Variants in MPPED2 observed in about 807,000 individuals in gnomAD.
MPPED2 encodes metallophosphoesterase domain containing 2.
MPPED2 carries 5 observed loss-of-function variants against 33.0 expected under a neutral mutation model. The observed-to-expected ratio is 0.15, with a 90% CI of 0.08 to 0.32. The LOEUF (loss-of-function observed/expected upper bound fraction) is 0.32, where lower values mean the gene tolerates loss of function less well. Among genes scored for constraint, MPPED2 ranks in the 10% least tolerant of loss-of-function variants. MPPED2 has a pLI of 1.00. For missense variants in MPPED2, 275 were observed against 372.1 expected (o/e 0.74, Z 2.15); for synonymous variants, 136 against 141.9 (o/e 0.96, Z 0.29).
At chr11:30,465,546 T>G (rs1253463838) in intron 4 of MPPED2, among the ~76,000 whole-genome samples, 1 of 152,212 alleles carries the variant, frequency 6.6e-6, no homozygotes, top group Admixed American at 6.5e-5. Flanking sequence ...CTCACCTGGG[T>G]GGGCCTCCCA....
At chr11:30,425,052 C>T (rs1393086353) in intron 4 of MPPED2, among the ~76,000 whole-genome samples, 3 of 152,054 alleles carry the variant, frequency 2.0e-5, no homozygotes, top group Non-Finnish European at 2.9e-5. Context: ...CTTGGTCTTT[C>T]GTTATGAGAT....
At chr11:30,492,078 C>T (rs1459054382) in intron 4 of MPPED2, among the ~76,000 whole-genome samples, 1 of 152,282 alleles carries the variant, frequency 6.6e-6, no homozygotes, top group Non-Finnish European at 1.5e-5. Flanking sequence ...ACTTTGCTAC[C>T]TTGCCAGTAT....
At chr11:30,580,554 G>C in intron 1 of MPPED2, 60 bp from the exon 2 acceptor site, 3 of 1,385,654 alleles carry the variant, frequency 2.2e-6, no homozygotes, top group Non-Finnish European at 2.8e-6. Context: ...TGTTCTAAGA[G>C]ACATAAATTT....
Position 30,436,420 on chromosome 11 carries a change from G to C in MPPED2, c.537-18787C>G, listed in dbSNP as rs75065202. ...GGTCTCAAGAGATGCAGATGCTGCA[G>C]TCTTGGGACCAGAGTTTAAGAAGCA... On this transcript the variant is annotated intron_variant, in intron 4 of 6. Coordinates refer to ENST00000358117, the MANE Select transcript of MPPED2 (RefSeq NM_001584.3). Among the ~76,000 whole-genome samples, 953 of 152,316 alleles carry C rather than the reference G, an allele frequency of 6.3e-3. 7 individuals carry two copies. Among genetic ancestry groups the C allele is most frequent in the Non-Finnish European group, 8.3e-3 (563 of 68,028 alleles).
intron 3 of MPPED2, among the ~76,000 whole-genome samples, chr11:30,509,206 G>A (rs564037838): frequency 6.6e-6 from 1 of 152,274 alleles, no homozygotes; most frequent in South Asian, 2.1e-4. Flanking sequence ...AAAGGCAAAA[G>A]AGGGCAAAGA....
intron 4 of MPPED2, among the ~76,000 whole-genome samples, chr11:30,472,521 T>C (rs1950995262): frequency 6.6e-6 from 1 of 152,102 alleles, no homozygotes; most frequent in South Asian, 2.1e-4. Flanking sequence ...CAAGTGTCCA[T>C]CAACAAATAA....
intron 4 of MPPED2, chr11:30,451,809 T>G (rs572762902): frequency 1.5e-5 from 15 of 985,392 alleles, no homozygotes; most frequent in African/African-American, 1.0e-4. Context: ...TGACTGCAGA[T>G]TAATTTCACT....
chr11:30,461,395 T>TAA (rs201164321), intron 4 of MPPED2, among the ~76,000 whole-genome samples: 7 of 152,042 alleles, frequency 4.6e-5, no homozygotes, highest in Admixed American at 1.3e-4. Context: ...ATTTTACCAA[T>TAA]AAAAAAATGA....
chr11:30,390,411 A>T (rs1298085440), intron 6 of MPPED2, among the ~76,000 whole-genome samples: 1 of 152,200 alleles, frequency 6.6e-6, no homozygotes, highest in African/African-American at 2.4e-5. Context: ...CTAGGCCTCA[A>T]ATGTTGACAG....
At chr11:30,467,430 C>T (rs1461736346) in intron 4 of MPPED2, among the ~76,000 whole-genome samples, 2 of 152,178 alleles carry the variant, frequency 1.3e-5, no homozygotes, top group Non-Finnish European at 2.9e-5. Context: ...TCACTCCCAG[C>T]TTGGGAAGGG....
At chr11:30,586,417 C>A (rs1416370005), upstream of MPPED2, 2 of 152,570 alleles carry the variant, frequency 1.3e-5, no homozygotes, top group African/African-American at 4.8e-5. The surrounding 1 kb of genome is among the most constrained non-coding windows in gnomAD (Gnocchi z 4.8). Context: ...CGAGGCGCCG[C>A]TCCGTGCGCG....
chr11:30,425,759 G>C (rs990749637), intron 4 of MPPED2: 1 of 152,172 alleles, frequency 6.6e-6, no homozygotes, highest in African/African-American at 2.4e-5. Flanking sequence ...CTGAGGAGAG[G>C]AAACGCGGTG....
intron 4 of MPPED2, among the ~76,000 whole-genome samples, chr11:30,447,977 T>A (rs1296113281): frequency 1.3e-5 from 2 of 152,116 alleles, no homozygotes; most frequent in Non-Finnish European, 2.9e-5. Context: ...GACACACAAT[T>A]TACCTACAAT....
At chr11:30,485,864 C>T (rs1049369052) in intron 4 of MPPED2, among the ~76,000 whole-genome samples, 1 of 152,132 alleles carries the variant, frequency 6.6e-6, no homozygotes, top group African/African-American at 2.4e-5. Flanking sequence ...ATTGCTCTCA[C>T]AAAACAGCCT....
rs547218708 is a variant in MPPED2, at chr11:30,488,094, C to T, written c.536+7202G>A. Among the ~76,000 whole-genome samples the T allele has an allele frequency of 9.9e-5, 15 of 152,278 alleles. No individual in the cohort carries two copies. In the South Asian group the frequency reaches 3.1e-3, roughly 32 times the overall value. ...CTCAAATTAAGTCTGTAGCTTTGGG[C>T]AAGTCACTTTCTCTGTCAAAAACTC... On this transcript the variant is annotated intron_variant, in intron 4 of 6. Transcript: ENST00000358117.
At chr11:30,410,148 T>C (rs1948051450), downstream of MPPED2, 1 of 985,226 alleles carries the variant, frequency 1.0e-6, no homozygotes, top group Non-Finnish European at 1.2e-6. Context: ...ATTACTGATG[T>C]TGCATATGAA....
chr11:30,410,007 T>C, downstream of MPPED2: 1 of 715,618 alleles, frequency 1.4e-6, no homozygotes, highest in Non-Finnish European at 1.7e-6. Flanking sequence ...GCAAGACAGA[T>C]GACAGCATGA....
Position 30,561,696 on chromosome 11 carries a change from T to C in MPPED2, c.128+18550A>G, listed in dbSNP as rs1003194820. On this transcript the variant is annotated intron_variant, in intron 2 of 6. Transcript: ENST00000358117. ...ACATAAAGAAGTTTAATGTGATACC[T>C]TACACCTGCCACCCCACATTTTCCA... is the stretch of plus-strand genomic sequence containing the variant. Among the ~76,000 whole-genome samples the C allele has an allele frequency of 6.6e-5, 10 of 152,236 alleles. No homozygotes were observed. In the South Asian group the frequency reaches 1.0e-3, roughly 16 times the overall value.
At chr11:30,485,639 T>G (rs1208889161) in intron 4 of MPPED2, among the ~76,000 whole-genome samples, 4 of 152,218 alleles carry the variant, frequency 2.6e-5, no homozygotes, top group African/African-American at 9.6e-5. Flanking sequence ...CATGCCTTCC[T>G]GCTGGGGAGG....
Sources: gnomAD v4.1 joint callset for allele counts (sites outside exome capture counted in the v4.1 genomes callset) on GRCh38, gnomAD v4.1.1 for gene constraint, Gnocchi (gnomAD v3.1) non-coding constraint, MANE v1.5 for transcripts, NCBI Gene and HGNC (gene_info 2026-07-23, HGNC 2026-07-21) for gene names.